TTLL5: variants seen among roughly 807,000 people sequenced by gnomAD.
TTLL5 encodes tubulin polyglutamylase TTLL5.
Under a neutral mutation model 168.4 loss-of-function variants are expected in TTLL5, and 132 were observed. The ratio of observed to expected loss-of-function variants is 0.78; its 90% CI spans 0.68 to 0.91. The LOEUF (loss-of-function observed/expected upper bound fraction) is 0.91, where lower values mean the gene tolerates loss of function less well. Ranked by LOEUF, TTLL5 falls within the 40% of genes least tolerant of loss-of-function variation. The probability of loss-of-function intolerance (pLI) is 0.00; values close to 1 mark genes in which losing one functional copy is unlikely to be tolerated. For missense variants in TTLL5, 1,545 were observed against 1,581.5 expected (o/e 0.98, Z 0.39); for synonymous variants, 546 against 558.6 (o/e 0.98, Z 0.32).
chr14:75,939,063 T>C (rs1287994637), intron 31 of TTLL5, among the ~76,000 whole-genome samples: 3 of 152,198 alleles, frequency 2.0e-5, no homozygotes, highest in African/African-American at 7.2e-5. Context: ...TTATTTGAAC[T>C]CAATTGTGGT....
chr14:75,880,641 G>C (rs1020968569), intron 29 of TTLL5, among the ~76,000 whole-genome samples: 1 of 152,176 alleles, frequency 6.6e-6, no homozygotes, highest in Non-Finnish European at 1.5e-5. Flanking sequence ...GCCTGTTCCT[G>C]TGTCCCTCTT....
chr14:75,954,015 G>A (rs533058112), intron 31 of TTLL5, among the ~76,000 whole-genome samples: 3 of 152,008 alleles, frequency 2.0e-5, no homozygotes, highest in Admixed American at 6.6e-5. Context: ...TTGGGAGGCC[G>A]AGGTGGGCAG....
In TTLL5 at chr14:75,954,581, G is replaced by A; in HGVS notation, c.*135G>A. ...TCAAAGTCCCCAAAGCCTTCGAGCAGAAGTGGCAGTAGATGGTTGCCAATC... is the reference window on the plus strand; with the variant it reads ...TCAAAGTCCCCAAAGCCTTCGAGCAAAAGTGGCAGTAGATGGTTGCCAATC... On this transcript the variant is annotated 3_prime_UTR_variant, in exon 32 of 32. Coordinates refer to ENST00000298832, the MANE Select transcript of TTLL5 (RefSeq NM_015072.5). The A allele has an allele frequency of 1.1e-6, 1 of 923,050 alleles. No individual in the cohort carries two copies. The highest frequency in any genetic ancestry group is 1.7e-6 in the Non-Finnish European group (1 of 591,652). 57.2% of individuals were successfully genotyped at this position (923,050 alleles called of 1,614,324 possible).
chr14:75,699,349 GT>G, intron 7 of TTLL5, 79 bp downstream of exon 7: 2 of 1,253,386 alleles, frequency 1.6e-6, no homozygotes, highest in Non-Finnish European at 2.3e-6. Context: ...TACTAATATA[GT>G]TCCATTTCAT....
At chr14:75,858,977 A>G (rs1244094560) in intron 28 of TTLL5, among the ~76,000 whole-genome samples, 1 of 152,150 alleles carries the variant, frequency 6.6e-6, no homozygotes, top group Admixed American at 6.5e-5. Context: ...CACCCCCATC[A>G]TTGTGACAAT....
chr14:75,889,863 A>G (rs1228316234), intron 30 of TTLL5, among the ~76,000 whole-genome samples: 4 of 134,770 alleles, frequency 3.0e-5, no homozygotes, highest in Non-Finnish European at 6.4e-5. Flanking sequence ...AAGGAAGGGA[A>G]GAAGCGAGGG....
intron 12 of TTLL5, among the ~76,000 whole-genome samples, chr14:75,724,223 A>G (rs1353828613): frequency 1.3e-5 from 2 of 152,114 alleles, no homozygotes; most frequent in Non-Finnish European, 2.9e-5. Flanking sequence ...TTTGTATCCT[A>G]TGATTTCTTT....
intron 31 of TTLL5, among the ~76,000 whole-genome samples, chr14:75,916,080 C>T (rs938033524): frequency 6.6e-6 from 1 of 151,384 alleles, no homozygotes; most frequent in Non-Finnish European, 1.5e-5. Context: ...GAGATATGAT[C>T]GGGCTGCTGT....
intron 31 of TTLL5, among the ~76,000 whole-genome samples, chr14:75,908,134 A>T (rs987944663): frequency 3.2e-4 from 48 of 152,370 alleles, no homozygotes; most frequent in Middle Eastern, 3.4e-3. Context: ...AGCTGTGTAT[A>T]AGCGAGGGAT....
chr14:75,869,954 G>A (rs1018506300), intron 29 of TTLL5, among the ~76,000 whole-genome samples: 4 of 150,194 alleles, frequency 2.7e-5, no homozygotes, highest in Non-Finnish European at 5.9e-5. Flanking sequence ...TGAGTAGCTG[G>A]GACTACAGGC....
At chr14:75,675,417 T>A (rs1884064806) in intron 3 of TTLL5, among the ~76,000 whole-genome samples, 1 of 152,206 alleles carries the variant, frequency 6.6e-6, no homozygotes, top group Admixed American at 6.5e-5. Context: ...TATTGGTTTG[T>A]TTTCATTTGC....
chr14:75,870,072 G>A (rs560438875), intron 29 of TTLL5, among the ~76,000 whole-genome samples: 6 of 151,776 alleles, frequency 4.0e-5, no homozygotes, highest in Admixed American at 1.3e-4. Context: ...ACCCACCTTC[G>A]CCTCCAAAAG....
intron 18 of TTLL5, among the ~76,000 whole-genome samples, chr14:75,753,944 G>A (rs930208609): frequency 2.0e-5 from 3 of 152,070 alleles, no homozygotes; most frequent in African/African-American, 7.2e-5. Flanking sequence ...TTCAGCTGTG[G>A]GAAGTATTTC....
At chr14:75,862,004 A>G (rs1167274686) in intron 28 of TTLL5, among the ~76,000 whole-genome samples, 1 of 152,216 alleles carries the variant, frequency 6.6e-6, no homozygotes, top group Non-Finnish European at 1.5e-5. Context: ...CTGAAAAATG[A>G]CTTCCTATTC....
chr14:75,850,785 G>A (rs758553174), intron 28 of TTLL5, among the ~76,000 whole-genome samples: 1 of 151,998 alleles, frequency 6.6e-6, no homozygotes, highest in Non-Finnish European at 1.5e-5. Flanking sequence ...GACTTTAAGG[G>A]TTTAGGTTGA....
intron 17 of TTLL5, among the ~76,000 whole-genome samples, chr14:75,748,437 C>T (rs1441218067): frequency 1.3e-5 from 2 of 151,914 alleles, no homozygotes; most frequent in African/African-American, 4.8e-5. Flanking sequence ...TTCTGTTCTC[C>T]TGTTGTTAAG....
Position 75,724,851 on chromosome 14 carries a change from G to A in TTLL5, c.1042+4148G>A, listed in dbSNP as rs1388837834. On this transcript the variant is annotated intron_variant, in intron 12 of 31. Transcript: ENST00000298832. ...ACAGCAATCCTTTAAATATGCTTAG[G>A]AAATTGGCATTGTGAGATACAACTG... Among the ~76,000 whole-genome samples the A allele has an allele frequency of 2.0e-5, 3 of 152,136 alleles. No individual in the cohort carries two copies. In the East Asian group the frequency reaches 5.8e-4, roughly 29 times the overall value.
chr14:75,862,027 G>A (rs1333610451), intron 28 of TTLL5, among the ~76,000 whole-genome samples: 1 of 152,136 alleles, frequency 6.6e-6, no homozygotes, highest in Non-Finnish European at 1.5e-5. Flanking sequence ...TAATTCCATA[G>A]CCCTTGATAA....
intron 28 of TTLL5, among the ~76,000 whole-genome samples, chr14:75,852,720 C>G (rs372931319): frequency 5.9e-5 from 9 of 152,138 alleles, no homozygotes; most frequent in African/African-American, 2.2e-4. Flanking sequence ...AAATCTTGTT[C>G]TAACACATAA....
Sources: allele counts gnomAD v4.1 joint callset (sites outside exome capture counted in the v4.1 genomes callset), GRCh38; gene constraint gnomAD v4.1.1; transcripts MANE v1.5; gene names NCBI Gene and HGNC (gene_info 2026-07-23, HGNC 2026-07-21).